Variants in TMCO6 observed in about 807,000 individuals in gnomAD.
TMCO6 encodes the protein transmembrane and coiled-coil domain-containing protein 6.
Under a neutral mutation model 61.8 loss-of-function variants are expected in TMCO6, and 47 were observed. That is an observed-to-expected ratio of 0.76 (90% CI 0.60 to 0.97). The LOEUF (loss-of-function observed/expected upper bound fraction) is 0.97. Among genes scored for constraint, TMCO6 ranks in the 50% least tolerant of loss-of-function variants. The probability of loss-of-function intolerance (pLI) is 0.00; values close to 1 mark genes in which losing one functional copy is unlikely to be tolerated. For synonymous variants in TMCO6, 261 were observed against 254.2 expected (o/e 1.03, Z -0.25); for missense variants, 557 against 601.6 (o/e 0.93, Z 0.78).
chr5:140,642,544 T>A, intron 5 of TMCO6, 42 bp from the exon 6 acceptor site: 1 of 1,612,106 alleles, frequency 6.2e-7, no homozygotes, highest in Non-Finnish European at 8.5e-7. Context: ...GAAGACCTGA[T>A]GACCCAGCTT....
chr5:140,626,069 C>T, the TMCO6 span, among the ~76,000 whole-genome samples: 1 of 152,178 alleles, frequency 6.6e-6, no homozygotes, highest in African/African-American at 2.4e-5. Flanking sequence ...GGTGAACTTA[C>T]TCATGGCTAT....
the TMCO6 span, among the ~76,000 whole-genome samples, chr5:140,614,324 C>T: frequency 6.6e-6 from 1 of 152,054 alleles, no homozygotes; most frequent in Non-Finnish European, 1.5e-5. Context: ...GCCTGACCAA[C>T]ATGGAGAAAC....
Position 140,641,939 on chromosome 5 carries a change from G to A in TMCO6, c.384G>A (p.Ala128=), listed in dbSNP as rs1431359890. The change falls in exon 4 of 12, where the codon GCG becomes GCA. Residue 128 remains alanine, a synonymous_variant. Coordinates refer to ENST00000394671, the MANE Select transcript of TMCO6 (RefSeq NM_018502.5). ...TSNQALLQLE[A]ARCLHELSHS... ...ACCAGGCCCTGCTGCAGCTTGAGGCGGCTCGGTGCCTGCATGAGCTCTCTC... is the reference window on the plus strand; with the variant it reads ...ACCAGGCCCTGCTGCAGCTTGAGGCAGCTCGGTGCCTGCATGAGCTCTCTC... 8.1e-6 allele frequency: 13 copies of A among 1,613,820 alleles called. No individual in the cohort carries two copies. The highest frequency in any genetic ancestry group is 2.2e-5 in the East Asian group (1 of 44,880).
the TMCO6 span, among the ~76,000 whole-genome samples, chr5:140,602,447 T>C: frequency 1.3e-5 from 2 of 152,172 alleles, 1 homozygote; most frequent in Admixed American, 1.3e-4. Context: ...TGAGGTGAAA[T>C]TCATGTTACA....
At position 140,643,882 on chromosome 5, in the gene TMCO6, G is replaced by T. The variant is rs767275423; in HGVS notation, c.1021G>T (p.Ala341Ser). Residue 341 changes from alanine to serine, a missense_variant, in exon 9 of 12, where the codon GCC becomes TCC. Physicochemically the swap from Ala to Ser is moderately conservative, Grantham distance 99. Transcript: ENST00000394671. ...MQLRDERVVA[A>S]LFILLQFFFQ... ...GCTCAGAGATGAGCGTGTTGTGGCA[G>T]CCTTATTTATCCTTCTGCAGTTCTT... 4.1e-5 allele frequency: 66 copies of T among 1,614,118 alleles called. 1 individual carries two copies. In the South Asian group the frequency reaches 6.6e-4, roughly 16 times the overall value.
At chr5:140,607,151 A>G in the TMCO6 span, among the ~76,000 whole-genome samples, 11 of 152,164 alleles carry the variant, frequency 7.2e-5, no homozygotes, top group Non-Finnish European at 1.5e-4. Context: ...AATGCTTTTC[A>G]TCATCCTAAA....
In TMCO6 at chr5:140,641,730, C is replaced by A. The variant is rs112278925; in HGVS notation, c.264C>A (p.Val88=). ...AAAAGGAGAGAGAGGGGGCTCTGGTCAGCCTTCGTCGAGGCTTGCAGCACC... is the reference window on the plus strand; with the variant it reads ...AAAAGGAGAGAGAGGGGGCTCTGGTAAGCCTTCGTCGAGGCTTGCAGCACC... ...TEEKEREGAL[V]SLRRGLQHPE... Residue 88 remains valine, a synonymous_variant, in exon 3 of 12, where the codon GTC becomes GTA. Transcript: ENST00000394671. 1 of 1,614,126 alleles carries A rather than the reference C, an allele frequency of 6.2e-7. No individual in the cohort carries two copies. Among genetic ancestry groups the A allele is most frequent in the East Asian group, 2.2e-5 (1 of 44,892 alleles).
chr5:140,602,523 AGAGGCT>A, the TMCO6 span, among the ~76,000 whole-genome samples: 1 of 151,686 alleles, frequency 6.6e-6, no homozygotes, highest in Non-Finnish European at 1.5e-5. Flanking sequence ...AGCACTTTTC[AGAGGCT>A]GAGGCACGTG....
At chr5:140,614,644 GCT>G in the TMCO6 span, among the ~76,000 whole-genome samples, 6 of 150,148 alleles carry the variant, frequency 4.0e-5, no homozygotes, top group African/African-American at 1.5e-4. Flanking sequence ...ACAGAGTCTC[GCT>G]CTGTCACCCA....
the TMCO6 span, among the ~76,000 whole-genome samples, chr5:140,618,163 G>A: frequency 6.6e-6 from 1 of 152,200 alleles, no homozygotes; most frequent in African/African-American, 2.4e-5. Context: ...GCACGCGGTG[G>A]CTCACACCTG....
upstream of TMCO6, among the ~76,000 whole-genome samples, chr5:140,637,885 T>A (rs573120228): frequency 2.6e-5 from 4 of 152,128 alleles, no homozygotes; most frequent in Non-Finnish European, 5.9e-5. Context: ...CGCCTTTCTG[T>A]TGTCCCACAA....
chr5:140,602,061 C>T, the TMCO6 span, among the ~76,000 whole-genome samples: 1 of 152,218 alleles, frequency 6.6e-6, no homozygotes, highest in Non-Finnish European at 1.5e-5. Flanking sequence ...AACCCCTCAT[C>T]ATGTGGCTTC....
chr5:140,639,436 C>A, upstream of TMCO6: 1 of 1,343,174 alleles, frequency 7.4e-7, no homozygotes, highest in East Asian at 2.5e-5. Context: ...TGTTCCCGCC[C>A]TGTGCTGAGG....
Position 140,643,577 on chromosome 5 carries a change from C to T in TMCO6, c.820C>T (p.Pro274Ser). 1 of 1,613,964 alleles carries T rather than the reference C, an allele frequency of 6.2e-7. No homozygotes were observed. The highest frequency in any genetic ancestry group is 8.5e-7 in the Non-Finnish European group (1 of 1,180,002). ...CCTGTTGCCCAGCCAGGTCAGCAAT[C>T]CTCTGCTCATTGGCCATGGGGCTCT... The part of the protein sequence containing the change: ...HYIICSQVSN[P>S]LLIGHGALST... Residue 274 changes from proline to serine, a missense_variant, in exon 8 of 12, where the codon CCT (proline) becomes TCT (serine). Transcript: ENST00000394671.
At chr5:140,646,009 CTT>C (rs5871744), downstream of TMCO6, among the ~76,000 whole-genome samples, 583 of 124,090 alleles carry the variant, frequency 4.7e-3, 2 homozygotes, top group African/African-American at 0.015. Flanking sequence ...CATTCTCTCT[CTT>C]TTTTTTTTTT....
At chr5:140,617,976 G>C in the TMCO6 span, among the ~76,000 whole-genome samples, 1 of 152,230 alleles carries the variant, frequency 6.6e-6, no homozygotes, top group East Asian at 1.9e-4. Flanking sequence ...TATTGAACGG[G>C]AAAAACAAAG....
the TMCO6 span, among the ~76,000 whole-genome samples, chr5:140,621,959 C>CA: frequency 1.1e-3 from 172 of 152,300 alleles, 1 homozygote; most frequent in African/African-American, 3.9e-3. Flanking sequence ...TTATCAATGA[C>CA]AATGGTGCCC....
the TMCO6 span, chr5:140,631,914 A>G: frequency 6.3e-7 from 1 of 1,599,508 alleles, no homozygotes; most frequent in Non-Finnish European, 8.6e-7. Context: ...CCCCACCGAC[A>G]GGGTCGAACG....
chr5:140,644,824 T>C, intron 11 of TMCO6, 84 bp downstream of exon 11: 1 of 1,566,490 alleles, frequency 6.4e-7, no homozygotes, highest in Non-Finnish European at 8.7e-7. Flanking sequence ...CTAACTATAG[T>C]TGTTTCTCTG....
Sources: allele counts gnomAD v4.1 joint callset (sites outside exome capture counted in the v4.1 genomes callset), GRCh38; gene constraint gnomAD v4.1.1; transcripts MANE v1.5; gene names NCBI Gene and HGNC (gene_info 2026-07-23, HGNC 2026-07-21).